Variants in TBC1D1 observed in about 807,000 individuals in gnomAD.
TBC1D1 encodes TBC1 (tre-2/USP6, BUB2, cdc16) domain family, member 1.
A neutral mutation model predicts 125.6 loss-of-function variants in TBC1D1; 89 were observed. The ratio of observed to expected loss-of-function variants is 0.71; its 90% CI spans 0.60 to 0.85. The LOEUF is 0.85. Among genes scored for constraint, TBC1D1 ranks in the 40% least tolerant of loss-of-function variants. TBC1D1 has a pLI of 0.00. For missense variants in TBC1D1, 1,377 were observed against 1,469.2 expected, an observed-to-expected ratio of 0.94 and a Z score of 1.03; for synonymous variants, 565 against 564.1, an observed-to-expected ratio of 1.00 and a Z score of -0.02.
At chr4:37,917,638 G>A (rs1720016795) in intron 2 of TBC1D1, among the ~76,000 whole-genome samples, 1 of 151,826 alleles carries the variant, frequency 6.6e-6, no homozygotes, top group Non-Finnish European at 1.5e-5. Flanking sequence ...TGGACTAACT[G>A]TGGACTCCCA....
intron 15 of TBC1D1, chr4:38,110,060 G>A (rs529263681): frequency 7.2e-4 from 162 of 225,896 alleles, no homozygotes; most frequent in African/African-American, 3.5e-3. Context: ...CAGAGCCACC[G>A]TGAGACTGAA....
At position 38,038,282 on chromosome 4, in the gene TBC1D1, C is replaced by T. The variant is rs1182316847; in HGVS notation, c.1413+2584C>T. ...TCTGTTTTCTAGTAGATAAGATTTT[C>T]TTTCTTTTTTTGTGACATTTTATTA... On this transcript the variant is annotated intron_variant, in intron 8 of 19. Coordinates refer to ENST00000261439, the MANE Select transcript of TBC1D1 (RefSeq NM_015173.4). Among the ~76,000 whole-genome samples the T allele has an allele frequency of 2.0e-5, 3 of 151,980 alleles. No homozygotes were observed. The East Asian group carries it at 5.8e-4, about 29-fold the overall frequency.
At chr4:37,904,378 G>A (rs1716851785) in intron 2 of TBC1D1, among the ~76,000 whole-genome samples, 1 of 152,154 alleles carries the variant, frequency 6.6e-6, no homozygotes. Flanking sequence ...CTATTATTTG[G>A]ACAAATTCCA....
At chr4:37,971,217 C>T (rs1433728451) in intron 2 of TBC1D1, among the ~76,000 whole-genome samples, 1 of 152,144 alleles carries the variant, frequency 6.6e-6, no homozygotes, top group East Asian at 1.9e-4. Context: ...GTTACTTAGA[C>T]AACAATTTGA....
chr4:38,081,120 C>T (rs1756466580), intron 12 of TBC1D1, among the ~76,000 whole-genome samples: 1 of 152,146 alleles, frequency 6.6e-6, no homozygotes, highest in African/African-American at 2.4e-5. Flanking sequence ...GCTGGCCCCT[C>T]ATAGGCTGTC....
In TBC1D1 at chr4:38,096,383, A is replaced by G. The variant is rs1165668141; in HGVS notation, c.2398+293A>G. On this transcript the variant is annotated intron_variant, in intron 14 of 19. Transcript: ENST00000261439. ...TTGATGATATACTTTGAATTAAATT[A>G]TAAACTAGAAACTAATTGTATGGCT... 3.3e-5 allele frequency among the ~76,000 whole-genome samples: 5 copies of G among 152,272 alleles called. No homozygotes were observed. The East Asian group carries it at 7.7e-4, about 23-fold the overall frequency.
intron 6 of TBC1D1, among the ~76,000 whole-genome samples, chr4:38,022,284 C>T (rs533488035): frequency 3.3e-5 from 5 of 152,240 alleles, no homozygotes; most frequent in South Asian, 4.1e-4. Context: ...TTGTAGCTAA[C>T]GTGTATTGAA....
chr4:38,086,410 C>T (rs1409085901), intron 12 of TBC1D1, among the ~76,000 whole-genome samples: 1 of 152,166 alleles, frequency 6.6e-6, no homozygotes, highest in Admixed American at 6.5e-5. Flanking sequence ...TTCCTCCTGA[C>T]AAAGAATCAT....
At chr4:38,111,554 T>G (rs28608906) in intron 15 of TBC1D1, among the ~76,000 whole-genome samples, 38,259 of 152,158 alleles carry the variant, frequency 0.25, 5,066 homozygotes, top group African/African-American at 0.29. Context: ...TTTCTACATT[T>G]AAAAAATCTC....
At chr4:38,099,406 G>C (rs567748961) in intron 14 of TBC1D1, among the ~76,000 whole-genome samples, 2 of 152,270 alleles carry the variant, frequency 1.3e-5, no homozygotes, top group Non-Finnish European at 2.9e-5. Flanking sequence ...CAGATGTCCA[G>C]GTTATAGACA....
At chr4:38,112,574 G>A (rs1326206928) in intron 15 of TBC1D1, among the ~76,000 whole-genome samples, 1 of 152,208 alleles carries the variant, frequency 6.6e-6, no homozygotes, top group Non-Finnish European at 1.5e-5. Context: ...GGAAGCTAAG[G>A]TTCAGAGAAG....
At chr4:38,019,326 C>T (rs994169214) in intron 4 of TBC1D1, among the ~76,000 whole-genome samples, 4 of 151,986 alleles carry the variant, frequency 2.6e-5, no homozygotes, top group African/African-American at 9.7e-5. Flanking sequence ...AATAGGGAAC[C>T]ATTTACAAAG....
chr4:38,126,077 G>A lies in TBC1D1; in HGVS notation c.3132+946G>A, dbSNP rs79820669. 7.3e-3 allele frequency among the ~76,000 whole-genome samples: 1,111 copies of A among 152,280 alleles called. 2 individuals carry two copies. The highest frequency in any genetic ancestry group is 0.013 in the Non-Finnish European group (871 of 68,002). ...CATAAAGTGTACTTAAACCCAAGTG[G>A]TATAGCCTACTACACACCTACACAT... On this transcript the variant is annotated intron_variant, in intron 18 of 19. Transcript: ENST00000261439.
intron 12 of TBC1D1, among the ~76,000 whole-genome samples, chr4:38,078,990 C>T (rs1469574423): frequency 6.6e-6 from 1 of 152,130 alleles, no homozygotes; most frequent in African/African-American, 2.4e-5. Flanking sequence ...CACCATGTCT[C>T]AGTAGAAACA....
At chr4:37,988,797 G>T (rs535995159) in intron 2 of TBC1D1, among the ~76,000 whole-genome samples, 2 of 152,098 alleles carry the variant, frequency 1.3e-5, no homozygotes, top group African/African-American at 2.4e-5. Context: ...TCAGTCAAGG[G>T]CATTCCAGAG....
intron 7 of TBC1D1, among the ~76,000 whole-genome samples, chr4:38,028,553 T>C (rs539680743): frequency 5.3e-5 from 8 of 152,348 alleles, no homozygotes; most frequent in African/African-American, 1.9e-4. Flanking sequence ...CATGCTTGGC[T>C]TAAGCTTTCA....
At chr4:38,054,047 C>T in intron 11 of TBC1D1, 152 bp from the exon 14 acceptor site, 1 of 797,298 alleles carries the variant, frequency 1.3e-6, no homozygotes, top group Non-Finnish European at 2.0e-6. Context: ...GGAATGATGA[C>T]CCACTGTGAG....
At chr4:37,899,917 G>C (rs550170647) in intron 1 of TBC1D1, among the ~76,000 whole-genome samples, 1 of 151,296 alleles carries the variant, frequency 6.6e-6, no homozygotes, top group East Asian at 2.0e-4. Context: ...TCAGGAGATC[G>C]AGACCATCCT....
intron 12 of TBC1D1, among the ~76,000 whole-genome samples, chr4:38,064,380 G>C (rs1349254104): frequency 1.3e-5 from 2 of 152,184 alleles, no homozygotes; most frequent in African/African-American, 4.8e-5. Context: ...CTACCCACGG[G>C]GATGGTTAAG....
Sources: allele counts gnomAD v4.1 joint callset (sites outside exome capture counted in the v4.1 genomes callset), GRCh38; gene constraint gnomAD v4.1.1; transcripts MANE v1.5; gene names NCBI Gene and HGNC (gene_info 2026-07-23, HGNC 2026-07-21).